The following CNTN6 variants were observed in gnomAD, a reference collection of about 807,000 sequenced individuals.
The protein encoded by CNTN6 is contactin-6.
A neutral mutation model predicts 122.8 loss-of-function variants in CNTN6; 137 were observed. That is an observed-to-expected ratio of 1.12 (90% CI 0.97 to 1.29). The LOEUF (loss-of-function observed/expected upper bound fraction) is 1.29. Among genes scored for constraint, CNTN6 ranks in the 50% most tolerant of loss-of-function variants. The probability of loss-of-function intolerance (pLI) is 0.00; values close to 1 mark genes in which losing one functional copy is unlikely to be tolerated. For synonymous variants in CNTN6, 570 were observed against 426.0 expected (o/e 1.34, Z -4.16); for missense variants, 1,634 against 1,223.4 (o/e 1.34, Z -5.01).
chr3:1,153,898 T>C (rs922444177), intron 2 of CNTN6, among the ~76,000 whole-genome samples: 4 of 152,164 alleles, frequency 2.6e-5, no homozygotes, highest in Non-Finnish European at 4.4e-5. Flanking sequence ...TTCCTTTGGG[T>C]CAGAGTGTGA....
chr3:1,278,366 T>C (rs750766212), intron 4 of CNTN6, 47 bp from the exon 5 acceptor site: 4 of 1,250,160 alleles, frequency 3.2e-6, no homozygotes, highest in Non-Finnish European at 4.6e-6. Context: ...AAAATATTTA[T>C]TCTGCAAAGT....
chr3:1,105,073 T>A (rs780931781), intron 1 of CNTN6, among the ~76,000 whole-genome samples: 8 of 152,154 alleles, frequency 5.3e-5, no homozygotes, highest in Non-Finnish European at 1.0e-4. Context: ...TGTGGGTTTT[T>A]AAAAATGTGA....
chr3:1,259,878 AAC>A (rs778410739), intron 4 of CNTN6, among the ~76,000 whole-genome samples: 36 of 152,274 alleles, frequency 2.4e-4, no homozygotes, highest in African/African-American at 7.0e-4. Context: ...CATACATACA[AAC>A]ACACAATAGT....
intron 20 of CNTN6, among the ~76,000 whole-genome samples, chr3:1,390,825 C>T (rs908916802): frequency 2.2e-3 from 331 of 150,558 alleles, no homozygotes; most frequent in African/African-American, 7.4e-3. Flanking sequence ...ATAAATTCCT[C>T]GACACATACA....
At position 1,327,570 on chromosome 3, in the gene CNTN6, T is replaced by C; in HGVS notation, c.1197T>C (p.Ala399=). The change falls in exon 10 of 23, where the codon GCT becomes GCC. Residue 399 remains alanine (A), a synonymous_variant. Coordinates refer to ENST00000446702, the MANE Select transcript of CNTN6 (RefSeq NM_001289080.2). ...ENKYQIIYAN[A]ELRVLASAPD... is the part of the protein sequence containing the mutation. ...AATATCAGATAATTTATGCAAATGC[T>C]GAATTGAGAGTTTTAGGTAAGTCGT... 2 of 1,610,184 alleles carry C rather than the reference T, an allele frequency of 1.2e-6. No homozygotes were observed.
intron 1 of CNTN6, among the ~76,000 whole-genome samples, chr3:1,143,492 G>A (rs1414150405): frequency 6.6e-6 from 1 of 152,104 alleles, no homozygotes; most frequent in African/African-American, 2.4e-5. Flanking sequence ...CAAGTGACCT[G>A]TAGGATTCTA....
At chr3:1,384,794 T>TACACAC (rs201630403) in intron 19 of CNTN6, among the ~76,000 whole-genome samples, 21 of 107,136 alleles carry the variant, frequency 2.0e-4, no homozygotes, top group African/African-American at 6.6e-4. Flanking sequence ...TATATATATA[T>TACACAC]ATACACACAC....
At chr3:1,146,552 T>A (rs954157900) in intron 1 of CNTN6, among the ~76,000 whole-genome samples, 3 of 141,830 alleles carry the variant, frequency 2.1e-5, no homozygotes, top group Non-Finnish European at 4.6e-5. Flanking sequence ...ATTACATTTT[T>A]CTTTAATATT....
chr3:1,191,420 C>T (rs1827600), intron 2 of CNTN6, among the ~76,000 whole-genome samples: 1,688 of 152,176 alleles, frequency 0.011, 27 homozygotes, highest in African/African-American at 0.037. Flanking sequence ...AACACCAGTC[C>T]CTAGCCTATG....
intron 2 of CNTN6, among the ~76,000 whole-genome samples, chr3:1,204,668 A>G (rs995904029): frequency 5.3e-5 from 8 of 152,132 alleles, no homozygotes; most frequent in Admixed American, 1.3e-4. Flanking sequence ...GTCTCAATTC[A>G]TCTTGATTTG....
Position 1,246,178 on chromosome 3 carries a change from G to A in CNTN6, c.358+18185G>A, listed in dbSNP as rs146350921. ...TATTTCCAACACCCCCAGAAGGTCCGCCCATTATATCCCCTTCTAGTTATG... is the reference window on the plus strand; with the variant it reads ...TATTTCCAACACCCCCAGAAGGTCCACCCATTATATCCCCTTCTAGTTATG... On this transcript the variant is annotated intron_variant, in intron 4 of 22. Coordinates refer to ENST00000446702, the MANE Select transcript of CNTN6 (RefSeq NM_001289080.2). Among the ~76,000 whole-genome samples the A allele has an allele frequency of 5.8e-4, 89 of 152,146 alleles. 1 individual carries two copies. The East Asian group carries it at 0.014, about 24-fold the overall frequency.
chr3:1,145,334 T>C (rs942815219), intron 1 of CNTN6, among the ~76,000 whole-genome samples: 21 of 152,204 alleles, frequency 1.4e-4, no homozygotes, highest in African/African-American at 4.6e-4. Flanking sequence ...GCCAAAGAAA[T>C]AGATAACTGA....
intron 6 of CNTN6, 147 bp downstream of exon 6, chr3:1,295,951 A>C (rs1001910211): frequency 1.3e-4 from 90 of 675,864 alleles, no homozygotes; most frequent in Non-Finnish European, 1.8e-4. Flanking sequence ...CCAGAAATAT[A>C]ACAGAAAATT....
chr3:1,390,308 C>G (rs1693922593), intron 20 of CNTN6, among the ~76,000 whole-genome samples: 1 of 152,004 alleles, frequency 6.6e-6, no homozygotes, highest in African/African-American at 2.4e-5. Context: ...TCCTGAATGA[C>G]TACTGGATAC....
At position 1,274,953 on chromosome 3, in the gene CNTN6, C is replaced by T. The variant is rs531315961; in HGVS notation, c.359-3460C>T. Among the ~76,000 whole-genome samples the T allele has an allele frequency of 1.4e-4, 21 of 152,156 alleles. No homozygotes were observed. The South Asian group carries it at 4.2e-3, about 30-fold the overall frequency. ...GATCTTTTATCTTCCCAAATGACCA[C>T]CCAACGCCCCCACCCAAATCAGTTT... On this transcript the variant is annotated intron_variant, in intron 4 of 22. Transcript: ENST00000446702.
chr3:1,306,532 GA>G (rs1260259356), intron 7 of CNTN6, among the ~76,000 whole-genome samples: 1 of 152,186 alleles, frequency 6.6e-6, no homozygotes, highest in African/African-American at 2.4e-5. Context: ...ATGGTATGCT[GA>G]AAAGTGTGGA....
intron 7 of CNTN6, among the ~76,000 whole-genome samples, chr3:1,311,729 T>C (rs1261410319): frequency 1.3e-5 from 2 of 151,660 alleles, no homozygotes; most frequent in East Asian, 1.9e-4. Flanking sequence ...ACATATATCC[T>C]TCCTGTCTTT....
chr3:1,289,887 G>A (rs978726806), intron 5 of CNTN6, among the ~76,000 whole-genome samples: 1 of 152,144 alleles, frequency 6.6e-6, no homozygotes, highest in Non-Finnish European at 1.5e-5. Context: ...TGTTAGCCAG[G>A]ATGGTCTCGA....
At chr3:1,401,379 C>A in intron 20 of CNTN6, 54 bp from the exon 21 acceptor site, 1 of 1,442,766 alleles carries the variant, frequency 6.9e-7, no homozygotes, top group Non-Finnish European at 9.7e-7. Flanking sequence ...ATGCATCATA[C>A]TTTGACCATG....
Sources: gnomAD v4.1 joint callset for allele counts (sites outside exome capture counted in the v4.1 genomes callset) on GRCh38, gnomAD v4.1.1 for gene constraint, MANE v1.5 for transcripts, NCBI Gene and HGNC (gene_info 2026-07-23, HGNC 2026-07-21) for gene names.